The following KLF15 variants were observed in gnomAD, a reference collection of about 807,000 sequenced individuals.
KLF15 encodes Krueppel-like factor 15.
A neutral mutation model predicts 24.6 loss-of-function variants in KLF15; 4 were observed. That is an observed-to-expected ratio of 0.16 (90% CI 0.08 to 0.37). The LOEUF is 0.37. Ranked by LOEUF, KLF15 falls within the 10% of genes least tolerant of loss-of-function variation. KLF15 has a pLI of 1.00. For missense variants in KLF15, 496 were observed against 560.6 expected (o/e 0.88, Z 1.16); for synonymous variants, 246 against 236.3 (o/e 1.04, Z -0.37).
the KLF15 span, among the ~76,000 whole-genome samples, chr3:126,310,423 C>T: frequency 5.3e-5 from 8 of 152,292 alleles, no homozygotes; most frequent in Non-Finnish European, 7.4e-5. Flanking sequence ...ACAGATGGCC[C>T]GTGCACAATG....
At chr3:126,326,575 A>C in the KLF15 span, among the ~76,000 whole-genome samples, 1 of 152,242 alleles carries the variant, frequency 6.6e-6, no homozygotes, top group Non-Finnish European at 1.5e-5. Flanking sequence ...TAAAACAGGC[A>C]GAACCTGCCC....
chr3:126,340,907 C>CG (rs2082475253), downstream of KLF15, among the ~76,000 whole-genome samples: 1 of 151,986 alleles, frequency 6.6e-6, no homozygotes, highest in African/African-American at 2.4e-5. Context: ...CAGCAGGAAC[C>CG]TGGGGGTGCC....
chr3:126,332,901 C>T, the KLF15 span, among the ~76,000 whole-genome samples: 4 of 58,652 alleles, frequency 6.8e-5, 1 homozygote, highest in Non-Finnish European at 1.2e-4. Context: ...AGCAAAGCCT[C>T]CAAGAAATAT....
chr3:126,316,190 G>T, the KLF15 span, among the ~76,000 whole-genome samples: 4 of 152,070 alleles, frequency 2.6e-5, no homozygotes, highest in African/African-American at 9.7e-5. Context: ...GGAAAGCGGG[G>T]CTGGGAGTGC....
the KLF15 span, among the ~76,000 whole-genome samples, chr3:126,320,636 G>A: frequency 1.1e-4 from 16 of 152,274 alleles, 1 homozygote; most frequent in East Asian, 1.9e-4. Context: ...AGCATTGTAC[G>A]GGAACCCTCC....
At chr3:126,350,260 G>A (rs562625026) in intron 2 of KLF15, among the ~76,000 whole-genome samples, 15 of 152,328 alleles carry the variant, frequency 9.8e-5, no homozygotes, top group Middle Eastern at 3.4e-3. Flanking sequence ...CAAGCAACCT[G>A]TCAGCCATGC....
chr3:126,301,429 T>C, the KLF15 span, among the ~76,000 whole-genome samples: 1 of 151,946 alleles, frequency 6.6e-6, no homozygotes. Context: ...GAGGCAGACA[T>C]TGAAGAAATA....
the KLF15 span, among the ~76,000 whole-genome samples, chr3:126,315,718 CA>C: frequency 2.0e-5 from 3 of 152,180 alleles, no homozygotes; most frequent in Non-Finnish European, 4.4e-5. Flanking sequence ...TGGGCCAGGA[CA>C]GGAACTCAGG....
Position 126,343,715 on chromosome 3 carries a change from T to C in KLF15, c.*12A>G. ...ATCCGGGGTGACGGACAGGCTGGGG[T>C]TCAGGGCGCTTTCAGTTCACGGAGC... is the stretch of plus-strand genomic sequence containing the variant. On this transcript the variant is annotated 3_prime_UTR_variant, in exon 3 of 3. Coordinates refer to ENST00000296233, the MANE Select transcript of KLF15 (RefSeq NM_014079.4). 1.2e-6 allele frequency: 2 copies of C among 1,607,182 alleles called. No homozygotes were observed. The highest frequency in any genetic ancestry group is 3.4e-5 in the Admixed American group (2 of 58,266).
the KLF15 span, among the ~76,000 whole-genome samples, chr3:126,296,453 C>T: frequency 5.3e-5 from 8 of 152,356 alleles, no homozygotes; most frequent in Non-Finnish European, 7.3e-5. Context: ...GTGATCCACC[C>T]GCCTTGGCCT....
intron 2 of KLF15, among the ~76,000 whole-genome samples, chr3:126,344,747 C>A (rs955189933): frequency 6.6e-6 from 1 of 152,270 alleles, no homozygotes; most frequent in Non-Finnish European, 1.5e-5. Context: ...CTCCTGAAAC[C>A]AGCTGTGCTG....
At chr3:126,328,960 T>A in the KLF15 span, among the ~76,000 whole-genome samples, 1 of 152,240 alleles carries the variant, frequency 6.6e-6, no homozygotes, top group African/African-American at 2.4e-5. Context: ...ATTCGGATTG[T>A]TGACTCATAT....
At chr3:126,316,536 T>TGGGCCGGAGTGGGGGAGGGAGTACAC in the KLF15 span, among the ~76,000 whole-genome samples, 6 of 112,170 alleles carry the variant, frequency 5.3e-5, no homozygotes, top group Admixed American at 9.0e-5. Flanking sequence ...AGGGAGTACA[T>TGGGCCGGAGTGGGGGAGGGAGTACAC]GGGCCGGAGT....
the KLF15 span, among the ~76,000 whole-genome samples, chr3:126,323,418 T>G: frequency 6.8e-5 from 2 of 29,266 alleles, no homozygotes; most frequent in East Asian, 1.4e-3. Context: ...TATATATATA[T>G]ATATATATAT....
chr3:126,346,387 TCA>T (rs1389913457), intron 2 of KLF15, among the ~76,000 whole-genome samples: 2 of 152,106 alleles, frequency 1.3e-5, no homozygotes, highest in Non-Finnish European at 2.9e-5. Flanking sequence ...AGAGGCCAAG[TCA>T]CACAGCCCAG....
At chr3:126,304,996 T>C in the KLF15 span, among the ~76,000 whole-genome samples, 1 of 152,226 alleles carries the variant, frequency 6.6e-6, no homozygotes, top group African/African-American at 2.4e-5. Context: ...TGTGGTCAAG[T>C]GACTAAGTTC....
At chr3:126,289,945 T>C in the KLF15 span, among the ~76,000 whole-genome samples, 1 of 152,138 alleles carries the variant, frequency 6.6e-6, no homozygotes, top group African/African-American at 2.4e-5. Context: ...ATGGTCACAT[T>C]ACTGAATCCA....
rs35986386 is a variant in KLF15, at chr3:126,345,553, TCACA to T, written c.1083-1662_1083-1659del. Among the ~76,000 whole-genome samples, 174 of 149,786 alleles carry T rather than the reference TCACA, an allele frequency of 1.2e-3. 1 individual carries two copies. The highest frequency in any genetic ancestry group is 4.0e-3 in the African/African-American group (163 of 40,696). ...CGGACGAATATGTGCCCACACATAC[TCACA>T]CACACACACACACAGGCACAAATTC... On this transcript the variant is annotated intron_variant, in intron 2 of 2. Transcript: ENST00000296233.
At chr3:126,314,658 A>C in the KLF15 span, among the ~76,000 whole-genome samples, 1 of 152,210 alleles carries the variant, frequency 6.6e-6, no homozygotes, top group Non-Finnish European at 1.5e-5. Context: ...CCACAGCTGC[A>C]CACAGCACAG....
Sources: gnomAD v4.1 joint callset for allele counts (sites outside exome capture counted in the v4.1 genomes callset) on GRCh38, gnomAD v4.1.1 for gene constraint, MANE v1.5 for transcripts, NCBI Gene and HGNC (gene_info 2026-07-23, HGNC 2026-07-21) for gene names.